Variants in SLC7A8 observed in about 807,000 individuals in gnomAD.
SLC7A8 encodes large neutral amino acids transporter small subunit 2.
In SLC7A8, 30 loss-of-function variants were observed where a neutral mutation model predicts 51.2. The ratio of observed to expected loss-of-function variants is 0.59; its 90% CI spans 0.44 to 0.80. SLC7A8 has a LOEUF of 0.80. Ranked by LOEUF, SLC7A8 falls within the 30% of genes least tolerant of loss-of-function variation. SLC7A8 has a pLI of 0.00. For missense variants in SLC7A8, 612 were observed against 674.4 expected (o/e 0.91, Z 1.03); for synonymous variants, 257 against 275.8 (o/e 0.93, Z 0.67).
intron 8 of SLC7A8, among the ~76,000 whole-genome samples, chr14:23,131,077 T>A (rs2048627923): frequency 6.6e-6 from 1 of 152,134 alleles, no homozygotes; most frequent in Non-Finnish European, 1.5e-5. Flanking sequence ...GAAGTGGGTG[T>A]TTGCAGGGAC....
intron 3 of SLC7A8, among the ~76,000 whole-genome samples, chr14:23,151,428 A>G (rs997706053): frequency 5.3e-5 from 8 of 152,152 alleles, no homozygotes; most frequent in Admixed American, 2.6e-4. Flanking sequence ...GGGAGAGGGT[A>G]CATATTGTGG....
rs1214537723 is a variant in SLC7A8 at position 23,125,858 on chromosome 14, C to T, written c.*1319G>A. ...AACTCCATAGCCTTCCTTTGAAGCC[C>T]AGGGAAAGGTCAGAGGCTGCCAGCC... On this transcript the variant is annotated 3_prime_UTR_variant, in exon 11 of 11. Coordinates refer to ENST00000316902, the MANE Select transcript of SLC7A8 (RefSeq NM_012244.4). The T allele has an allele frequency of 6.5e-6, 1 of 152,698 alleles. No homozygotes were observed. Among genetic ancestry groups the T allele is most frequent in the Non-Finnish European group, 1.5e-5 (1 of 68,110 alleles). The allele number at this position is 152,698 out of a possible 1,614,324, so 9.5% of individuals were successfully genotyped here. A position where few individuals can be genotyped will look rare whatever the true frequency, so the allele number is the denominator to read the frequency against.
chr14:23,151,782 T>C (rs1007766807), intron 3 of SLC7A8, among the ~76,000 whole-genome samples: 7 of 147,686 alleles, frequency 4.7e-5, no homozygotes, highest in Non-Finnish European at 7.4e-5. Context: ...GCAAAAAGCT[T>C]GCTGGGCACA....
intron 1 of SLC7A8, 136 bp downstream of exon 1, chr14:23,182,628 G>T: frequency 1.1e-6 from 1 of 892,768 alleles, no homozygotes; most frequent in Non-Finnish European, 1.6e-6. Context: ...GACCAGTGGA[G>T]GTGAGTTACA....
intron 3 of SLC7A8, among the ~76,000 whole-genome samples, chr14:23,164,420 C>T (rs1337270376): frequency 1.3e-5 from 2 of 152,226 alleles, no homozygotes; most frequent in East Asian, 3.8e-4. Flanking sequence ...GCCTGCCTCC[C>T]TGGGCAAGTC....
At chr14:23,167,533 C>T (rs942439301) in intron 1 of SLC7A8, among the ~76,000 whole-genome samples, 1 of 151,882 alleles carries the variant, frequency 6.6e-6, no homozygotes, top group Non-Finnish European at 1.5e-5. Context: ...GGCCCGCAGC[C>T]GGTACTGAAT....
At chr14:23,151,224 C>T (rs1566365992) in intron 3 of SLC7A8, among the ~76,000 whole-genome samples, 1 of 152,182 alleles carries the variant, frequency 6.6e-6, no homozygotes, top group Non-Finnish European at 1.5e-5. Context: ...GCCTTGAGGT[C>T]CTGTCTGGCA....
At chr14:23,141,472 C>T (rs370262235) in intron 4 of SLC7A8, among the ~76,000 whole-genome samples, 10 of 152,138 alleles carry the variant, frequency 6.6e-5, no homozygotes, top group East Asian at 3.9e-4. Flanking sequence ...TTTTTTGAGA[C>T]GGAGTCTCGC....
intron 1 of SLC7A8, among the ~76,000 whole-genome samples, chr14:23,182,413 G>A (rs186554949): frequency 6.6e-6 from 1 of 152,242 alleles, no homozygotes; most frequent in African/African-American, 2.4e-5. Flanking sequence ...AACTTGTTCA[G>A]GTCCCTCAGT....
intron 8 of SLC7A8, 110 bp downstream of exon 8, chr14:23,131,351 A>G: frequency 2.5e-6 from 2 of 805,654 alleles, no homozygotes; most frequent in Middle Eastern, 2.5e-4. Context: ...GAGACCTAGC[A>G]GCAGACTGCA....
chr14:23,173,068 A>G (rs1383239482), intron 1 of SLC7A8, among the ~76,000 whole-genome samples: 3 of 152,224 alleles, frequency 2.0e-5, no homozygotes, highest in Non-Finnish European at 4.4e-5. Context: ...GTATATTCAC[A>G]TCGTTGTGAG....
At chr14:23,135,775 T>C (rs369877121) in intron 7 of SLC7A8, among the ~76,000 whole-genome samples, 4 of 152,064 alleles carry the variant, frequency 2.6e-5, no homozygotes, top group Non-Finnish European at 4.4e-5. Context: ...TTGAAGGAGA[T>C]GGGATATCTC....
Position 23,127,026 on chromosome 14 carries a change from A to G in SLC7A8, c.*151T>C, listed in dbSNP as rs1404239012. On this transcript the variant is annotated 3_prime_UTR_variant, in exon 11 of 11. Coordinates refer to ENST00000316902, the MANE Select transcript of SLC7A8 (RefSeq NM_012244.4). ...TGGGTATGAATGTCAGTTTTTGTTTACAATTTCTCACCACCCACACCAAAG... is the reference window on the plus strand; with the variant it reads ...TGGGTATGAATGTCAGTTTTTGTTTGCAATTTCTCACCACCCACACCAAAG... 1.1e-6 allele frequency: 1 copy of G among 941,098 alleles called. No homozygotes were observed. The highest frequency in any genetic ancestry group is 1.6e-6 in the Non-Finnish European group (1 of 633,520). The allele number at this position is 941,098 out of a possible 1,614,324, so 58.3% of individuals were successfully genotyped here.
rs938533844 is a variant in SLC7A8 at position 23,128,180 on chromosome 14, G to A, written c.1280C>T (p.Pro427Leu). Residue 427 changes from proline to leucine, a missense_variant, in exon 10 of 11, where the codon CCC (proline) becomes CTC (leucine). Physicochemically the swap from Pro to Leu is moderately conservative, Grantham distance 98. Transcript: ENST00000316902. The surrounding 1 kb of genome is among the most constrained non-coding windows in gnomAD (Gnocchi z 4.3). ...PRPIKINLLF[P>L]IIYLLFWAFL... ...GGCCCAGAACAGCAAGTAGATGATG[G>A]GGAACAGCAGGTTGATCTGTGGAGC... The A allele has an allele frequency of 6.2e-7, 1 of 1,614,132 alleles. No individual in the cohort carries two copies. Among genetic ancestry groups the A allele is most frequent in the Non-Finnish European group, 8.5e-7 (1 of 1,180,016 alleles).
Position 23,140,432 on chromosome 14 carries a change from C to T in SLC7A8, c.788+39G>A, listed in dbSNP as rs772565248. On this transcript the variant is annotated intron_variant, in intron 5 of 10. Coordinates refer to ENST00000316902, the MANE Select transcript of SLC7A8 (RefSeq NM_012244.4). ...CTTTCCAGCAGCAGGTGCTGTGGCC[C>T]TTCAAGGGAGAGGGAATAGCCAGGC... is the stretch of plus-strand genomic sequence containing the variant. 5.1e-6 allele frequency: 8 copies of T among 1,573,360 alleles called. No homozygotes were observed. In the South Asian group the frequency reaches 9.1e-5, roughly 18 times the overall value.
intron 4 of SLC7A8, among the ~76,000 whole-genome samples, chr14:23,141,827 C>G (rs78148694): frequency 0.015 from 2,285 of 152,266 alleles, 50 homozygotes; most frequent in African/African-American, 0.052. Flanking sequence ...TCCCAGCCCC[C>G]CTAGCACAGT....
chr14:23,143,680 T>C (rs1416028863), intron 3 of SLC7A8, among the ~76,000 whole-genome samples: 4 of 152,236 alleles, frequency 2.6e-5, no homozygotes, highest in African/African-American at 7.2e-5. Context: ...CTCACCTTTT[T>C]AAAGTGTACA....
rs190861494 is a variant in SLC7A8, at chr14:23,128,631, C to T, written c.1264-435G>A. ...TGCAGGCAGGAGACGATTCGAGTCA[C>T]TCAGGCTCCCTGGTCCTTGCCCACT... On this transcript the variant is annotated intron_variant, in intron 9 of 10. Transcript: ENST00000316902. This position sits in a 1 kb window ranked among gnomAD's most constrained non-coding sequence, Gnocchi z 4.3. 6.6e-6 allele frequency among the ~76,000 whole-genome samples: 1 copy of T among 152,334 alleles called. No individual in the cohort carries two copies. Among genetic ancestry groups the T allele is most frequent in the Non-Finnish European group, 1.5e-5 (1 of 68,030 alleles).
intron 1 of SLC7A8, among the ~76,000 whole-genome samples, chr14:23,172,802 C>T (rs1283378050): frequency 1.3e-5 from 2 of 152,218 alleles, no homozygotes; most frequent in Non-Finnish European, 2.9e-5. Flanking sequence ...TAGCTTCCCA[C>T]AACAAAGTAT....
Sources: allele counts gnomAD v4.1 joint callset (sites outside exome capture counted in the v4.1 genomes callset), GRCh38; gene constraint gnomAD v4.1.1; non-coding constraint Gnocchi (gnomAD v3.1); transcripts MANE v1.5; gene names NCBI Gene and HGNC (gene_info 2026-07-23, HGNC 2026-07-21).